Variants in TAFA4 observed in about 807,000 individuals in gnomAD.
The protein encoded by TAFA4 is TAFA chemokine like family member 4.
TAFA4 carries 20 observed loss-of-function variants against 21.1 expected under a neutral mutation model. The ratio of observed to expected loss-of-function variants is 0.95; its 90% CI spans 0.67 to 1.38. TAFA4 has a LOEUF of 1.38. Ranked by LOEUF, TAFA4 falls within the 40% of genes most tolerant of loss-of-function variation. The probability of loss-of-function intolerance (pLI) is 0.00; values close to 1 mark genes in which losing one functional copy is unlikely to be tolerated. For synonymous variants in TAFA4, 71 were observed against 67.4 expected, an observed-to-expected ratio of 1.05 and a Z score of -0.26; for missense variants, 211 against 180.9, an observed-to-expected ratio of 1.17 and a Z score of -0.95.
chr3:68,899,145 T>C (rs2089821024), intron 1 of TAFA4, among the ~76,000 whole-genome samples: 1 of 152,164 alleles, frequency 6.6e-6, no homozygotes, highest in Admixed American at 6.5e-5. Context: ...CTTTATGAAA[T>C]AAATGAAATA....
At chr3:68,869,283 A>C (rs779138077) in intron 3 of TAFA4, among the ~76,000 whole-genome samples, 36 of 152,086 alleles carry the variant, frequency 2.4e-4, no homozygotes, top group Non-Finnish European at 4.1e-4. Flanking sequence ...CAAATATTTA[A>C]AGAACTACTT....
intron 1 of TAFA4, among the ~76,000 whole-genome samples, chr3:68,922,667 T>C (rs1432877025): frequency 3.9e-5 from 6 of 152,242 alleles, no homozygotes; most frequent in Non-Finnish European, 5.9e-5. Context: ...CTTTTGTAGA[T>C]GTGAAAAGAG....
At chr3:68,735,447 GC>G (rs1363220913) in intron 5 of TAFA4, among the ~76,000 whole-genome samples, 1 of 152,102 alleles carries the variant, frequency 6.6e-6, no homozygotes, top group Non-Finnish European at 1.5e-5. Context: ...CCCTCATACT[GC>G]CTGTTGATCA....
chr3:68,895,155 G>A (rs145583541), intron 1 of TAFA4, among the ~76,000 whole-genome samples: 1 of 152,132 alleles, frequency 6.6e-6, no homozygotes, highest in African/African-American at 2.4e-5. Flanking sequence ...CCGCCACCAT[G>A]CCCAGCTAAT....
At chr3:68,863,725 G>C (rs956206172) in intron 3 of TAFA4, among the ~76,000 whole-genome samples, 1 of 152,090 alleles carries the variant, frequency 6.6e-6, no homozygotes, top group Non-Finnish European at 1.5e-5. Flanking sequence ...ATTCTTATCT[G>C]AAAAGCTCTA....
chr3:68,892,947 C>A (rs573996289), intron 1 of TAFA4, among the ~76,000 whole-genome samples: 71 of 152,328 alleles, frequency 4.7e-4, no homozygotes, highest in African/African-American at 1.6e-3. Context: ...ATCAGCAGCA[C>A]CCAGCATGGC....
chr3:68,743,060 A>T (rs1029214756), intron 4 of TAFA4, among the ~76,000 whole-genome samples: 3 of 152,202 alleles, frequency 2.0e-5, no homozygotes, highest in Admixed American at 2.0e-4. Context: ...AAGTGGCCAC[A>T]TTGTACCCGA....
chr3:68,907,420 T>C (rs1421269250), intron 1 of TAFA4, among the ~76,000 whole-genome samples: 1 of 152,184 alleles, frequency 6.6e-6, no homozygotes, highest in South Asian at 2.1e-4. Context: ...AAGGCTAGAA[T>C]GAGCTGAACC....
At chr3:68,734,423 G>T (rs1702203806) in intron 5 of TAFA4, among the ~76,000 whole-genome samples, 2 of 151,844 alleles carry the variant, frequency 1.3e-5, no homozygotes, top group South Asian at 4.1e-4. Context: ...CTGAGGCAGG[G>T]AGGGTAGAGG....
At chr3:68,790,872 T>A (rs1032460610) in intron 3 of TAFA4, among the ~76,000 whole-genome samples, 2 of 152,182 alleles carry the variant, frequency 1.3e-5, no homozygotes, top group African/African-American at 2.4e-5. Flanking sequence ...GCCCACTTCC[T>A]CAACATACTT....
At chr3:68,849,131 C>A (rs955836177) in intron 3 of TAFA4, among the ~76,000 whole-genome samples, 1 of 152,078 alleles carries the variant, frequency 6.6e-6, no homozygotes, top group African/African-American at 2.4e-5. Flanking sequence ...GCAGTAAGAT[C>A]CTTGCCTAAT....
chr3:68,894,158 CTTT>C (rs79469344), intron 1 of TAFA4, among the ~76,000 whole-genome samples: 8 of 137,158 alleles, frequency 5.8e-5, no homozygotes, highest in Admixed American at 1.5e-4. Context: ...TTACTTGTTA[CTTT>C]TTTTTTTTTT....
intron 1 of TAFA4, among the ~76,000 whole-genome samples, chr3:68,915,399 C>CAAGT (rs2089994577): frequency 2.0e-5 from 3 of 152,204 alleles, no homozygotes; most frequent in Admixed American, 2.0e-4. Context: ...ACTGTGCTCT[C>CAAGT]AAGTTAGTTC....
chr3:68,808,224 T>C (rs1676022814), intron 3 of TAFA4, among the ~76,000 whole-genome samples: 1 of 152,094 alleles, frequency 6.6e-6, no homozygotes, highest in Non-Finnish European at 1.5e-5. Context: ...ATTGTTCACA[T>C]ACATGAGCAA....
intron 1 of TAFA4, among the ~76,000 whole-genome samples, chr3:68,890,650 A>C (rs954079461): frequency 6.6e-6 from 1 of 152,220 alleles, no homozygotes; most frequent in African/African-American, 2.4e-5. Context: ...TCACTTAGCT[A>C]GTAAGTGGCT....
chr3:68,765,413 C>G (rs1445059802), intron 3 of TAFA4, among the ~76,000 whole-genome samples: 1 of 152,088 alleles, frequency 6.6e-6, no homozygotes, highest in Non-Finnish European at 1.5e-5. Context: ...CAGCAATAAG[C>G]TGCATTTTTT....
chr3:68,921,019 A>G (rs1163800787), intron 1 of TAFA4, among the ~76,000 whole-genome samples: 1 of 152,132 alleles, frequency 6.6e-6, no homozygotes, highest in Non-Finnish European at 1.5e-5. Flanking sequence ...AAAGGCCAAA[A>G]GGGTCGGCAG....
intron 3 of TAFA4, among the ~76,000 whole-genome samples, chr3:68,808,987 A>C (rs1252403758): frequency 6.6e-6 from 1 of 152,220 alleles, no homozygotes; most frequent in Non-Finnish European, 1.5e-5. Flanking sequence ...CAGGAGGTAC[A>C]CATGTCACTT....
intron 4 of TAFA4, among the ~76,000 whole-genome samples, chr3:68,749,226 T>C (rs896354162): frequency 4.6e-5 from 7 of 152,232 alleles, no homozygotes; most frequent in African/African-American, 1.7e-4. Context: ...CCTGTTTATA[T>C]AATATAATCT....
Sources: allele counts gnomAD v4.1 joint callset (sites outside exome capture counted in the v4.1 genomes callset), GRCh38; gene constraint gnomAD v4.1.1; transcripts MANE v1.5; gene names NCBI Gene and HGNC (gene_info 2026-07-23, HGNC 2026-07-21).